Variants in ACER3 observed in about 807,000 individuals in gnomAD.
ACER3 encodes the protein alkaline ceramidase 3.
In ACER3, 16 loss-of-function variants were observed where a neutral mutation model predicts 48.9. That is an observed-to-expected ratio of 0.33 (90% CI 0.22 to 0.50). The LOEUF (loss-of-function observed/expected upper bound fraction) is 0.50. ACER3 is among the 20% of genes least tolerant of loss of function. The probability of loss-of-function intolerance (pLI) is 0.98; values close to 1 mark genes in which losing one functional copy is unlikely to be tolerated. For missense variants in ACER3, 227 were observed against 326.0 expected, an observed-to-expected ratio of 0.70 and a Z score of 2.34; for synonymous variants, 109 against 107.8, an observed-to-expected ratio of 1.01 and a Z score of -0.07.
intron 6 of ACER3, among the ~76,000 whole-genome samples, chr11:76,995,433 T>A (rs550055787): frequency 6.6e-6 from 1 of 152,212 alleles, no homozygotes; most frequent in Non-Finnish European, 1.5e-5. Context: ...TTATCCTGAT[T>A]TAACTTTTAT....
chr11:76,912,677 C>G (rs756400673), intron 1 of ACER3, among the ~76,000 whole-genome samples: 8 of 151,076 alleles, frequency 5.3e-5, no homozygotes, highest in Non-Finnish European at 1.0e-4. Flanking sequence ...GTGGAGGCAG[C>G]GCAGTCGTCA....
At chr11:76,932,391 T>TCTCATATCTA (rs1478135604) in intron 2 of ACER3, among the ~76,000 whole-genome samples, 17 of 152,220 alleles carry the variant, frequency 1.1e-4, no homozygotes, top group Middle Eastern at 3.2e-3. Flanking sequence ...CTTAGATTAT[T>TCTCATATCTA]TATTAGATAT....
At chr11:76,994,085 A>T (rs1948861853) in intron 6 of ACER3, 2 of 437,748 alleles carry the variant, frequency 4.6e-6, no homozygotes, top group South Asian at 3.3e-5. Flanking sequence ...GAACATTCCT[A>T]TTTTCCTATA....
intron 2 of ACER3, among the ~76,000 whole-genome samples, chr11:76,941,068 G>A (rs931518657): frequency 5.3e-5 from 8 of 151,216 alleles, no homozygotes; most frequent in African/African-American, 1.7e-4. Context: ...CAGAAAGCAG[G>A]GAAGAGAAGG....
chr11:76,862,977 G>C (rs923377134), intron 1 of ACER3, among the ~76,000 whole-genome samples: 1 of 151,238 alleles, frequency 6.6e-6, no homozygotes, highest in Non-Finnish European at 1.5e-5. Flanking sequence ...TGTAATCCCA[G>C]CACTTTGGGA....
At chr11:76,977,769 G>A (rs775612276) in intron 4 of ACER3, among the ~76,000 whole-genome samples, 12 of 152,142 alleles carry the variant, frequency 7.9e-5, no homozygotes, top group South Asian at 6.2e-4. Context: ...CCACACTCCC[G>A]GGCACAGCTG....
At chr11:76,913,866 A>T (rs1946453141) in intron 1 of ACER3, among the ~76,000 whole-genome samples, 2 of 152,212 alleles carry the variant, frequency 1.3e-5, no homozygotes, top group South Asian at 4.1e-4. Context: ...GACCAGTGGA[A>T]TAGAACAGAG....
At chr11:76,939,612 AAAAC>A (rs1449271906) in intron 2 of ACER3, among the ~76,000 whole-genome samples, 1 of 152,148 alleles carries the variant, frequency 6.6e-6, no homozygotes, top group African/African-American at 2.4e-5. Flanking sequence ...CAAACAAACA[AAAAC>A]AAAGGTACAA....
chr11:76,914,661 A>G (rs888692970), intron 1 of ACER3, among the ~76,000 whole-genome samples: 1 of 152,230 alleles, frequency 6.6e-6, no homozygotes, highest in East Asian at 1.9e-4. Flanking sequence ...ATCTAGATCT[A>G]GAAATACCAT....
intron 1 of ACER3, among the ~76,000 whole-genome samples, chr11:76,921,058 A>G: frequency 6.6e-6 from 1 of 152,212 alleles, no homozygotes; most frequent in South Asian, 2.1e-4. Flanking sequence ...TTATTTACAA[A>G]GCAATTACAT....
In ACER3 at chr11:76,875,684, T is replaced by A. The variant is rs139113635; in HGVS notation, c.103+14605T>A. Among the ~76,000 whole-genome samples, 10 of 152,034 alleles carry A rather than the reference T, an allele frequency of 6.6e-5. No homozygotes were observed. The East Asian group carries it at 1.9e-3, about 29-fold the overall frequency. On this transcript the variant is annotated intron_variant, in intron 1 of 10. Transcript: ENST00000532485. Reference sequence around the variant, plus strand: ...TTAAAGTTTAATTCCTTGTTTTTTTTTTCTTTTGATGTAAAATTTACATTC... The same window carrying A: ...TTAAAGTTTAATTCCTTGTTTTTTTATTCTTTTGATGTAAAATTTACATTC...
chr11:76,896,724 CT>C (rs1945939945), intron 1 of ACER3, among the ~76,000 whole-genome samples: 1 of 152,112 alleles, frequency 6.6e-6, no homozygotes, highest in African/African-American at 2.4e-5. Context: ...TTTTCTCAAA[CT>C]TTTTGCTTTC....
chr11:76,866,210 T>C lies in ACER3; in HGVS notation c.103+5131T>C, dbSNP rs141912936. On this transcript the variant is annotated intron_variant, in intron 1 of 10. Coordinates refer to ENST00000532485, the MANE Select transcript of ACER3 (RefSeq NM_018367.7). ...GCTATTTCTTCTATAATTCTGTTTA[T>C]GTTTGATTGGAATTTCACTTCCAAC... 4.6e-5 allele frequency among the ~76,000 whole-genome samples: 7 copies of C among 152,316 alleles called. No individual in the cohort carries two copies. The East Asian group carries it at 7.7e-4, about 17-fold the overall frequency.
intron 1 of ACER3, among the ~76,000 whole-genome samples, chr11:76,898,327 T>G (rs191167281): frequency 6.6e-6 from 1 of 152,306 alleles, no homozygotes; most frequent in Non-Finnish European, 1.5e-5. Flanking sequence ...TCGAACATAG[T>G]ATTTACATTT....
chr11:77,015,098 A>G lies in ACER3; in HGVS notation c.580A>G (p.Ile194Val). The G allele has an allele frequency of 6.5e-7, 1 of 1,538,106 alleles. No individual in the cohort carries two copies. The highest frequency in any genetic ancestry group is 9.0e-7 in the Non-Finnish European group (1 of 1,111,590). Residue 194 changes from isoleucine (I) to valine (V), a missense_variant, in exon 8 of 11, where the codon ATA (isoleucine) becomes GTA (valine). Physicochemically the swap from Ile to Val is conservative, Grantham distance 29. This residue lies in a region of ACER3 where 195 missense variants were observed against 290.8 expected (regional missense o/e 0.67). Transcript: ENST00000532485. ...ATTTTTATTTTGGAATATAGATAACATATTTTGTGAGTCACTGAGGTAAGA... is the reference window on the plus strand; with the variant it reads ...ATTTTTATTTTGGAATATAGATAACGTATTTTGTGAGTCACTGAGGTAAGA... ...LGFLFWNIDNIFCESLRNFRK... is the reference protein window; with the variant it reads ...LGFLFWNIDNVFCESLRNFRK...
Position 77,026,681 on chromosome 11 carries a change from T to C in ACER3, c.*6354T>C, listed in dbSNP as rs991441604. 40 of 152,236 alleles carry C rather than the reference T, an allele frequency of 2.6e-4. No homozygotes were observed. Among genetic ancestry groups the C allele is most frequent in the Admixed American group, 9.8e-4 (15 of 15,276 alleles). The allele number at this position is 152,236 out of a possible 1,614,324, so 9.4% of individuals were successfully genotyped here. On this transcript the variant is annotated 3_prime_UTR_variant, in exon 11 of 11. Transcript: ENST00000532485. The stretch of plus-strand genomic sequence containing the variant: ...TTTGCTAATGCCACAATCATTTTTC[T>C]AGAAAATAGTAGGATAATGTATTTT...
intron 1 of ACER3, among the ~76,000 whole-genome samples, chr11:76,908,481 G>A (rs1946290464): frequency 6.6e-6 from 1 of 151,928 alleles, no homozygotes; most frequent in Admixed American, 6.6e-5. Flanking sequence ...AAATCATGAG[G>A]GAACTCCCAT....
In ACER3 at chr11:76,894,694, C is replaced by T. The variant is rs181195553; in HGVS notation, c.104-31863C>T. ...GCTGGGCCATATGACTGATTTTTTA[C>T]ATTCATGAAAGTGTATGGAAAATAT... On this transcript the variant is annotated intron_variant, in intron 1 of 10. Coordinates refer to ENST00000532485, the MANE Select transcript of ACER3 (RefSeq NM_018367.7). 2.6e-5 allele frequency among the ~76,000 whole-genome samples: 4 copies of T among 152,250 alleles called. No individual in the cohort carries two copies. The East Asian group carries it at 7.7e-4, about 29-fold the overall frequency.
At chr11:76,960,053 G>A (rs1279696579) in intron 3 of ACER3, among the ~76,000 whole-genome samples, 1 of 152,060 alleles carries the variant, frequency 6.6e-6, no homozygotes, top group African/African-American at 2.4e-5. Context: ...AGCTACATTT[G>A]TAATTTAAAT....
Sources: gnomAD v4.1 joint callset for allele counts (sites outside exome capture counted in the v4.1 genomes callset) on GRCh38, gnomAD v4.1.1 for gene constraint, gnomAD v4.1.1 regional missense constraint, MANE v1.5 for transcripts, NCBI Gene and HGNC (gene_info 2026-07-23, HGNC 2026-07-21) for gene names.